The following POLA1 variants were observed in gnomAD, a reference collection of about 807,000 sequenced individuals.
The protein encoded by POLA1 is DNA polymerase alpha catalytic subunit.
POLA1 carries 15 observed loss-of-function variants against 124.0 expected under a neutral mutation model. The observed-to-expected ratio is 0.12, with a 90% CI of 0.08 to 0.19. The LOEUF is 0.19. Among genes scored for constraint, POLA1 ranks in the 10% least tolerant of loss-of-function variants. POLA1 has a pLI of 1.00. For synonymous variants in POLA1, 408 were observed against 389.4 expected, an observed-to-expected ratio of 1.05 and a Z score of -0.56; for missense variants, 886 against 1,103.4, an observed-to-expected ratio of 0.80 and a Z score of 2.79.
In POLA1 at chrX:24,735,482, C is replaced by T. The variant is rs747169754; in HGVS notation, c.1917C>T (p.Ile639=). Residue 639 remains isoleucine, a synonymous_variant, in exon 18 of 37, where the codon ATC becomes ATT. Transcript: ENST00000379068. ...AAGTTCACAAAATTGATCCTGATATCATTGTGGTGAGTAGATGTTTGATCA... is the reference window on the plus strand; with the variant it reads ...AAGTTCACAAAATTGATCCTGATATTATTGTGGTGAGTAGATGTTTGATCA... ...LAKVHKIDPD[I]IVGHNIYGFE... The T allele has an allele frequency of 8.0e-6, 9 of 1,122,245 alleles. No individual in the cohort carries two copies. The highest frequency in any genetic ancestry group is 9.8e-6 in the Non-Finnish European group (8 of 815,387). 92.5% of individuals were successfully genotyped at this position (1,122,245 alleles called of 1,213,427 possible).
At chrX:24,755,310 A>G (rs1932540140) in intron 26 of POLA1, among the ~76,000 whole-genome samples, 1 of 112,409 alleles carries the variant, frequency 8.9e-6, no homozygotes, top group African/African-American at 3.2e-5. Flanking sequence ...TTTTAAACTT[A>G]CTATATATAT....
intron 4 of POLA1, among the ~76,000 whole-genome samples, chrX:24,709,450 A>C (rs1169066094): frequency 2.5e-5 from 2 of 79,770 alleles, no homozygotes; most frequent in African/African-American, 9.2e-5. Context: ...TGACCCCCCC[A>C]CCTCCCTCCC....
In POLA1 at chrX:24,778,819, C is replaced by G. The variant is rs375602575; in HGVS notation, c.2964+29827C>G. 8.3e-4 allele frequency among the ~76,000 whole-genome samples: 93 copies of G among 111,561 alleles called. No homozygotes were observed. The South Asian group carries it at 0.034, about 41-fold the overall frequency. On this transcript the variant is annotated intron_variant, in intron 26 of 36. Transcript: ENST00000379068. ...TGTAACGATGGAATTAGGATTTGAA[C>G]CCAGGTGGTTGGCTGTGGGTTGACA...
intron 4 of POLA1, among the ~76,000 whole-genome samples, chrX:24,710,058 GC>G (rs1350210208): frequency 9.5e-6 from 1 of 105,189 alleles, no homozygotes; most frequent in African/African-American, 3.4e-5. Flanking sequence ...TTGCCCTCGG[GC>G]CCCGTGGGGC....
intron 26 of POLA1, among the ~76,000 whole-genome samples, chrX:24,769,916 A>G (rs2044992514): frequency 9.0e-6 from 1 of 111,696 alleles, no homozygotes; most frequent in Non-Finnish European, 1.9e-5. Flanking sequence ...AATGAGGAAA[A>G]AGTCTTGAAG....
intron 26 of POLA1, among the ~76,000 whole-genome samples, chrX:24,762,548 T>C (rs1046428431): frequency 7.3e-5 from 8 of 110,040 alleles, no homozygotes; most frequent in African/African-American, 2.7e-4. Flanking sequence ...CATTCTAGAG[T>C]GAGGGCTAGC....
In POLA1 at chrX:24,821,600, C is replaced by T. The variant is rs777328166; in HGVS notation, c.3561+17C>T. The T allele has an allele frequency of 5.7e-5, 66 of 1,163,799 alleles. No homozygotes were observed. The South Asian group carries it at 8.6e-4, about 15-fold the overall frequency. On this transcript the variant is annotated intron_variant, in intron 31 of 36. Transcript: ENST00000379068. ...ATCTGTCAGGTAAACTATTGACATT[C>T]GTAAGACTCTGACACCTCTTAAGAA...
At position 24,745,434 on chromosome X, in the gene POLA1, C is replaced by T; in HGVS notation, c.2583C>T (p.Phe861=). The T allele has an allele frequency of 8.7e-7, 1 of 1,147,408 alleles. No individual in the cohort carries two copies. Among genetic ancestry groups the T allele is most frequent in the Non-Finnish European group, 1.2e-6 (1 of 853,198 alleles). 94.6% of individuals were successfully genotyped at this position (1,147,408 alleles called of 1,213,427 possible). The change falls in exon 24 of 37, where the codon TTC becomes TTT. Residue 861 remains phenylalanine (F), a synonymous_variant. Coordinates refer to ENST00000379068, the MANE Select transcript of POLA1 (RefSeq NM_001330360.2). ...LDPKVGFYDK[F]ILLLDFNSLY... ...TAATTTCAGGTTTTTATGATAAGTT[C>T]ATTTTGCTTCTGGACTTCAACAGTC...
intron 26 of POLA1, among the ~76,000 whole-genome samples, chrX:24,799,263 G>A (rs773021211): frequency 1.8e-5 from 2 of 111,932 alleles, no homozygotes; most frequent in Non-Finnish European, 1.9e-5. Flanking sequence ...GCACCACCTT[G>A]GTCACTGTCC....
At chrX:24,922,292 G>A (rs763971064) in intron 35 of POLA1, among the ~76,000 whole-genome samples, 80 of 106,299 alleles carry the variant, frequency 7.5e-4, no homozygotes, top group African/African-American at 2.6e-3. Context: ...AACCCAGGCT[G>A]GTCCCAAACT....
intron 26 of POLA1, among the ~76,000 whole-genome samples, chrX:24,757,435 A>ATTTTTTTTTTTTT (rs1569298336): frequency 1.5e-5 from 1 of 64,638 alleles, no homozygotes; most frequent in African/African-American, 1.2e-4. Flanking sequence ...AAAATCTGAA[A>ATTTTTTTTTTTTT]CTTTTTTTTT....
intron 26 of POLA1, among the ~76,000 whole-genome samples, chrX:24,794,568 C>T (rs1439625269): frequency 1.8e-5 from 2 of 111,838 alleles, no homozygotes; most frequent in Non-Finnish European, 3.8e-5. Context: ...TGTGGTTTTT[C>T]CCCTGCACAA....
intron 26 of POLA1, among the ~76,000 whole-genome samples, chrX:24,756,055 G>C (rs1932584708): frequency 9.0e-6 from 1 of 111,602 alleles, no homozygotes; most frequent in Admixed American, 9.5e-5. Context: ...CAGCAGAGTT[G>C]AGTAGTTGCC....
At chrX:24,919,671 A>G (rs2047582452) in intron 35 of POLA1, among the ~76,000 whole-genome samples, 1 of 110,768 alleles carries the variant, frequency 9.0e-6, no homozygotes, top group Admixed American at 9.6e-5. Flanking sequence ...GGATACATGT[A>G]CAGGATGTGC....
At chrX:24,900,801 A>G (rs1222640383) in intron 35 of POLA1, among the ~76,000 whole-genome samples, 2 of 111,580 alleles carry the variant, frequency 1.8e-5, no homozygotes, top group Non-Finnish European at 1.9e-5. Context: ...TGAGATTTCC[A>G]AATCCTCCTA....
At chrX:24,930,346 C>A (rs2047756648) in intron 35 of POLA1, 107 bp from the exon 36 acceptor site, 1 of 533,879 alleles carries the variant, frequency 1.9e-6, no homozygotes, top group Non-Finnish European at 3.2e-6. Flanking sequence ...TTAAAAAATG[C>A]TGCTTGATTT....
intron 34 of POLA1, among the ~76,000 whole-genome samples, chrX:24,873,417 T>C (rs2147116485): frequency 8.9e-6 from 1 of 112,141 alleles, no homozygotes. Flanking sequence ...TATACAAGGA[T>C]ATTGCTTGCA....
intron 26 of POLA1, among the ~76,000 whole-genome samples, chrX:24,807,640 C>T (rs1022178100): frequency 8.9e-6 from 1 of 111,916 alleles, no homozygotes; most frequent in African/African-American, 3.3e-5. Context: ...GAAGTCTGCA[C>T]TTAGGCACAA....
rs11430408 is a variant in POLA1, at chrX:24,863,258, G to GCC, written c.4047+19589_4047+19590dup. 4.9e-3 allele frequency among the ~76,000 whole-genome samples: 495 copies of GCC among 101,562 alleles called. 4 individuals are homozygous for GCC. Among genetic ancestry groups the GCC allele is most frequent in the Admixed American group, 0.018 (173 of 9,471 alleles). The allele number at this position is 101,562 out of a possible 115,157, so 88.2% of individuals were successfully genotyped here. On this transcript the variant is annotated intron_variant, in intron 34 of 36. Transcript: ENST00000379068. ...TTGTCTTCATTGAAGGGAAGAGTAT[G>GCC]CCCCCCCCCATCTTCCACCCTCTTT...
Sources: gnomAD v4.1 joint callset for allele counts (sites outside exome capture counted in the v4.1 genomes callset) on GRCh38, gnomAD v4.1.1 for gene constraint, MANE v1.5 for transcripts, NCBI Gene and HGNC (gene_info 2026-07-23, HGNC 2026-07-21) for gene names.